STARD13: variants seen among roughly 807,000 people sequenced by gnomAD.
STARD13 encodes StAR related lipid transfer domain containing 13, also known as stAR-related lipid transfer protein 13.
Under a neutral mutation model 106.4 loss-of-function variants are expected in STARD13, and 62 were observed. The ratio of observed to expected loss-of-function variants is 0.58; its 90% CI spans 0.48 to 0.72. STARD13 has a LOEUF of 0.72. Ranked by LOEUF, STARD13 falls within the 30% of genes least tolerant of loss-of-function variation. The probability of loss-of-function intolerance (pLI) is 0.00; values close to 1 mark genes in which losing one functional copy is unlikely to be tolerated. For synonymous variants in STARD13, 565 were observed against 553.0 expected, an observed-to-expected ratio of 1.02 and a Z score of -0.31; for missense variants, 1,387 against 1,424.0, an observed-to-expected ratio of 0.97 and a Z score of 0.42.
chr13:33,144,917 A>T (rs1319139317), intron 3 of STARD13, among the ~76,000 whole-genome samples: 2 of 152,224 alleles, frequency 1.3e-5, no homozygotes, highest in African/African-American at 2.4e-5. Context: ...CACACAAGAC[A>T]TCAAAGGAAT....
At chr13:33,665,658 C>G in the STARD13 span, among the ~76,000 whole-genome samples, 1 of 152,182 alleles carries the variant, frequency 6.6e-6, no homozygotes, top group Non-Finnish European at 1.5e-5. Context: ...TATAGGAGAA[C>G]GTGCATCTTT....
chr13:33,659,308 CG>C, the STARD13 span, among the ~76,000 whole-genome samples: 1 of 151,308 alleles, frequency 6.6e-6, no homozygotes, highest in South Asian at 2.1e-4. Flanking sequence ...CTCTGCCTCC[CG>C]GGTTCAAGCA....
the STARD13 span, among the ~76,000 whole-genome samples, chr13:33,609,731 T>G: frequency 2.6e-5 from 4 of 151,982 alleles, no homozygotes; most frequent in African/African-American, 9.7e-5. Context: ...CACGCCCGGC[T>G]AATTTTTTGT....
At chr13:33,121,568 A>AC (rs1876313019) in intron 7 of STARD13, among the ~76,000 whole-genome samples, 1 of 118,920 alleles carries the variant, frequency 8.4e-6, no homozygotes, top group Non-Finnish European at 1.9e-5. Flanking sequence ...ACTCCACCTC[A>AC]AAAAAAAAAA....
the STARD13 span, among the ~76,000 whole-genome samples, chr13:33,387,244 A>G: frequency 2.6e-5 from 4 of 152,114 alleles, no homozygotes; most frequent in African/African-American, 7.2e-5. Flanking sequence ...GCCTCATGCA[A>G]TCCTCCCACT....
At chr13:33,413,181 G>A in the STARD13 span, among the ~76,000 whole-genome samples, 1 of 152,102 alleles carries the variant, frequency 6.6e-6, no homozygotes, top group African/African-American at 2.4e-5. Context: ...GGCTCAAGGG[G>A]AAGGCTCAGG....
the STARD13 span, among the ~76,000 whole-genome samples, chr13:33,637,405 G>T: frequency 6.6e-6 from 1 of 152,282 alleles, no homozygotes; most frequent in Non-Finnish European, 1.5e-5. Flanking sequence ...TACCCTCAAA[G>T]TGCTACCTTC....
intron 1 of STARD13, chr13:33,272,778 G>A (rs1891226790): frequency 6.6e-6 from 1 of 152,182 alleles, no homozygotes; most frequent in Admixed American, 6.5e-5. Context: ...CAGTGTCCAG[G>A]GCCAGCTCTG....
chr13:33,260,707 C>G (rs755145403), intron 1 of STARD13, among the ~76,000 whole-genome samples: 13 of 152,254 alleles, frequency 8.5e-5, no homozygotes, highest in Non-Finnish European at 1.5e-4. Flanking sequence ...CTTCTTTTAT[C>G]TACATTTGAA....
At chr13:33,621,147 T>A in the STARD13 span, among the ~76,000 whole-genome samples, 1 of 151,914 alleles carries the variant, frequency 6.6e-6, no homozygotes, top group Non-Finnish European at 1.5e-5. Flanking sequence ...GTAGAAAATG[T>A]GTAAACAATA....
chr13:33,133,653 C>CAA (rs35731008), intron 4 of STARD13, among the ~76,000 whole-genome samples: 41,715 of 147,694 alleles, frequency 0.28, 6,242 homozygotes, highest in East Asian at 0.44. Flanking sequence ...TATACTAAAG[C>CAA]AAAAAAAAAA....
At chr13:33,421,202 A>T in the STARD13 span, among the ~76,000 whole-genome samples, 2 of 152,198 alleles carry the variant, frequency 1.3e-5, no homozygotes, top group Non-Finnish European at 2.9e-5. Flanking sequence ...TGCTAGTAAG[A>T]CTAATAAAGA....
chr13:33,416,295 A>G, the STARD13 span, among the ~76,000 whole-genome samples: 1 of 152,208 alleles, frequency 6.6e-6, no homozygotes, highest in Non-Finnish European at 1.5e-5. Flanking sequence ...AAACTATATA[A>G]TGTGCTGATG....
the STARD13 span, among the ~76,000 whole-genome samples, chr13:33,653,979 A>G: frequency 6.6e-6 from 1 of 152,384 alleles, no homozygotes; most frequent in East Asian, 1.9e-4. Flanking sequence ...CCACAATGAG[A>G]TACCACTTCA....
At chr13:33,499,525 C>CTTTCTTTCT in the STARD13 span, among the ~76,000 whole-genome samples, 3 of 36,172 alleles carry the variant, frequency 8.3e-5, no homozygotes, top group Non-Finnish European at 1.2e-4. Flanking sequence ...TTTCTTTCTT[C>CTTTCTTTCT]TTCTTCTTCT....
intron 4 of STARD13, among the ~76,000 whole-genome samples, chr13:33,141,183 C>T (rs947055056): frequency 6.6e-6 from 1 of 152,116 alleles, no homozygotes; most frequent in African/African-American, 2.4e-5. Flanking sequence ...TCTGAATTTC[C>T]TAAAAAGAAT....
the STARD13 span, among the ~76,000 whole-genome samples, chr13:33,633,775 G>A: frequency 6.6e-6 from 1 of 152,114 alleles, no homozygotes; most frequent in African/African-American, 2.4e-5. Flanking sequence ...AGGTCACAAG[G>A]AGAAGGTGAC....
the STARD13 span, among the ~76,000 whole-genome samples, chr13:33,655,428 C>G: frequency 5.3e-5 from 8 of 152,268 alleles, no homozygotes; most frequent in African/African-American, 1.9e-4. Context: ...AGAGGCAAGT[C>G]CATAATAAAC....
At chr13:33,667,061 A>ATT in the STARD13 span, among the ~76,000 whole-genome samples, 2 of 152,254 alleles carry the variant, frequency 1.3e-5, no homozygotes, top group South Asian at 2.1e-4. Flanking sequence ...AGATGCTTCC[A>ATT]TTATATATAA....
Sources: allele counts gnomAD v4.1 joint callset (sites outside exome capture counted in the v4.1 genomes callset), GRCh38; gene constraint gnomAD v4.1.1; transcripts MANE v1.5; gene names NCBI Gene and HGNC (gene_info 2026-07-23, HGNC 2026-07-21).